The following BTBD9 variants were observed in gnomAD, a reference collection of about 807,000 sequenced individuals.
BTBD9 encodes BTB/POZ domain-containing protein 9.
A neutral mutation model predicts 64.3 loss-of-function variants in BTBD9; 49 were observed. That is an observed-to-expected ratio of 0.76 (90% CI 0.61 to 0.97). The LOEUF is 0.97. Ranked by LOEUF, BTBD9 falls within the 50% of genes least tolerant of loss-of-function variation. The pLI, the probability that BTBD9 is intolerant of heterozygous loss-of-function variation, is 0.00. For missense variants in BTBD9, 598 were observed against 762.1 expected (o/e 0.78, Z 2.53); for synonymous variants, 260 against 274.7 (o/e 0.95, Z 0.53).
rs140997761 is a variant in BTBD9, at chr6:38,472,887, T to A, written c.1154+104713A>T. 4.4e-3 allele frequency among the ~76,000 whole-genome samples: 667 copies of A among 152,348 alleles called. 3 individuals carry two copies. The highest frequency in any genetic ancestry group is 0.015 in the African/African-American group (619 of 41,580). ...GGAAAATCAGCTTCCAATTTAAATGTATCTTTGCTCTTCTGCAAAATACCA... is the reference window on the plus strand; with the variant it reads ...GGAAAATCAGCTTCCAATTTAAATGAATCTTTGCTCTTCTGCAAAATACCA... On this transcript the variant is annotated intron_variant, in intron 6 of 10. Coordinates refer to ENST00000481247, the MANE Select transcript of BTBD9 (RefSeq NM_001099272.2).
At chr6:38,587,280 T>A in intron 4 of BTBD9, 1 of 341,472 alleles carries the variant, frequency 2.9e-6, no homozygotes. Context: ...CCACAAGCCC[T>A]CTTTTTCTAG....
chr6:38,462,859 C>T (rs918800621), intron 6 of BTBD9, among the ~76,000 whole-genome samples: 6 of 152,126 alleles, frequency 3.9e-5, no homozygotes, highest in African/African-American at 1.2e-4. Flanking sequence ...AGTGCAGTGG[C>T]GCCATCTCAG....
intron 7 of BTBD9, among the ~76,000 whole-genome samples, chr6:38,299,232 A>G (rs1762288122): frequency 6.6e-6 from 1 of 152,198 alleles, no homozygotes; most frequent in African/African-American, 2.4e-5. Flanking sequence ...TGTATGTGCC[A>G]CATTTTCTTA....
At position 38,557,015 on chromosome 6, in the gene BTBD9, C is replaced by CAAAAAAAAAAAAAA. The variant is rs397888418; in HGVS notation, c.1154+20571_1154+20584dup. 3.2e-4 allele frequency among the ~76,000 whole-genome samples: 5 copies of CAAAAAAAAAAAAAA among 15,408 alleles called. 1 individual carries two copies. Among genetic ancestry groups the CAAAAAAAAAAAAAA allele is most frequent in the East Asian group, 2.6e-3 (1 of 390 alleles). 10.1% of individuals were successfully genotyped at this position (15,408 alleles called of 152,430 possible). On this transcript the variant is annotated intron_variant, in intron 6 of 10. Coordinates refer to ENST00000481247, the MANE Select transcript of BTBD9 (RefSeq NM_001099272.2). ...GGAACAGAGCGAGACTCCATCTCAC[C>CAAAAAAAAAAAAAA]AAAAAAAAAAAAAAAAAAAAAAAAA...
intron 6 of BTBD9, among the ~76,000 whole-genome samples, chr6:38,442,303 T>C (rs1359894935): frequency 1.3e-5 from 2 of 151,834 alleles, no homozygotes; most frequent in African/African-American, 2.4e-5. Context: ...CTGGCCAACA[T>C]AGTGAAACCC....
intron 7 of BTBD9, among the ~76,000 whole-genome samples, chr6:38,337,343 C>A (rs1763933422): frequency 6.6e-6 from 1 of 152,232 alleles, no homozygotes; most frequent in Non-Finnish European, 1.5e-5. Flanking sequence ...TTACAGCATT[C>A]TAAACATACT....
chr6:38,569,840 T>C (rs1775682936), intron 6 of BTBD9, among the ~76,000 whole-genome samples: 1 of 150,964 alleles, frequency 6.6e-6, no homozygotes, highest in Non-Finnish European at 1.5e-5. Flanking sequence ...GGGTTCTAGA[T>C]GAAAATAATA....
intron 8 of BTBD9, among the ~76,000 whole-genome samples, chr6:38,258,897 C>T (rs562840044): frequency 6.6e-6 from 1 of 151,996 alleles, no homozygotes; most frequent in East Asian, 1.9e-4. Flanking sequence ...CTCAAAAAAA[C>T]AAAAAACAAA....
intron 6 of BTBD9, among the ~76,000 whole-genome samples, chr6:38,378,250 T>C (rs1336901940): frequency 1.3e-5 from 2 of 151,310 alleles, no homozygotes; most frequent in African/African-American, 4.8e-5. Context: ...CTTTTCTTTT[T>C]TTTTTTTTTT....
Position 38,171,148 on chromosome 6 carries a change from C to T in BTBD9, c.*3837G>A, listed in dbSNP as rs1766741562. The T allele has an allele frequency of 6.6e-6, 1 of 152,182 alleles. No homozygotes were observed. Among genetic ancestry groups the T allele is most frequent in the African/African-American group, 2.4e-5 (1 of 41,452 alleles). 9.4% of individuals were successfully genotyped at this position (152,182 alleles called of 1,614,324 possible). A position where few individuals can be genotyped will look rare whatever the true frequency, so the allele number is the denominator to read the frequency against. ...TATTGTAGATTATACCTTCCTTTTC[C>T]CCCTTGGCTCTGGAAAGGATAAGTG... On this transcript the variant is annotated 3_prime_UTR_variant, in exon 11 of 11. Coordinates refer to ENST00000481247, the MANE Select transcript of BTBD9 (RefSeq NM_001099272.2).
At chr6:38,446,592 G>A (rs534835467) in intron 6 of BTBD9, among the ~76,000 whole-genome samples, 31 of 152,064 alleles carry the variant, frequency 2.0e-4, no homozygotes, top group Non-Finnish European at 3.5e-4. Context: ...TTCATGGAAC[G>A]ACCCTAGTCA....
intron 6 of BTBD9, among the ~76,000 whole-genome samples, chr6:38,528,478 C>A (rs917788351): frequency 1.8e-4 from 28 of 152,136 alleles, no homozygotes; most frequent in Admixed American, 4.6e-4. Flanking sequence ...CACCCCTCCC[C>A]CAATCCCAAG....
At position 38,173,032 on chromosome 6, in the gene BTBD9, G is replaced by A. The variant is rs971177213; in HGVS notation, c.*1953C>T. On this transcript the variant is annotated 3_prime_UTR_variant, in exon 11 of 11. Coordinates refer to ENST00000481247, the MANE Select transcript of BTBD9 (RefSeq NM_001099272.2). Reference sequence around the variant, plus strand: ...CTTCAGGCCAAGGGCCTCTGGGCAGGTGATGCCCATGTTTAAAAAGAAGCA... The same window carrying A: ...CTTCAGGCCAAGGGCCTCTGGGCAGATGATGCCCATGTTTAAAAAGAAGCA... 2.0e-5 allele frequency: 3 copies of A among 152,302 alleles called. No homozygotes were observed. Among genetic ancestry groups the A allele is most frequent in the Non-Finnish European group, 4.4e-5 (3 of 68,076 alleles). 9.4% of individuals were successfully genotyped at this position (152,302 alleles called of 1,614,324 possible). A position where few individuals can be genotyped will look rare whatever the true frequency, so the allele number is the denominator to read the frequency against.
chr6:38,466,808 C>T (rs1770416732), intron 6 of BTBD9, among the ~76,000 whole-genome samples: 1 of 152,092 alleles, frequency 6.6e-6, no homozygotes, highest in Non-Finnish European at 1.5e-5. Flanking sequence ...GAAGTCCTGA[C>T]CTCAAGTGAT....
intron 7 of BTBD9, among the ~76,000 whole-genome samples, chr6:38,293,699 T>TA (rs1190111974): frequency 1.3e-5 from 2 of 152,124 alleles, no homozygotes; most frequent in African/African-American, 4.8e-5. Context: ...ATATAAGACC[T>TA]AAAACTATAA....
chr6:38,285,550 A>G (rs1761697546), intron 8 of BTBD9, among the ~76,000 whole-genome samples: 1 of 152,146 alleles, frequency 6.6e-6, no homozygotes, highest in Admixed American at 6.5e-5. Context: ...GTACCAGGTA[A>G]GCAAATGGAA....
intron 7 of BTBD9, among the ~76,000 whole-genome samples, chr6:38,304,975 G>C (rs1460897234): frequency 6.6e-6 from 1 of 151,606 alleles, no homozygotes; most frequent in East Asian, 1.9e-4. Flanking sequence ...ATAAGGGCAG[G>C]AACTTTTTTT....
At chr6:38,533,173 C>A (rs1773872410) in intron 6 of BTBD9, among the ~76,000 whole-genome samples, 1 of 151,906 alleles carries the variant, frequency 6.6e-6, no homozygotes. Flanking sequence ...AAGAGACATA[C>A]TTCACCTATA....
At chr6:38,491,848 G>T (rs570154979) in intron 6 of BTBD9, among the ~76,000 whole-genome samples, 5 of 152,140 alleles carry the variant, frequency 3.3e-5, no homozygotes, top group African/African-American at 1.2e-4. Flanking sequence ...TATTTCCTTG[G>T]GTTTCTGTGA....
Sources: gnomAD v4.1 joint callset for allele counts (sites outside exome capture counted in the v4.1 genomes callset) on GRCh38, gnomAD v4.1.1 for gene constraint, MANE v1.5 for transcripts, NCBI Gene and HGNC (gene_info 2026-07-23, HGNC 2026-07-21) for gene names.